The following IQCK variants were observed in gnomAD, a reference collection of about 807,000 sequenced individuals.
IQCK encodes IQ domain-containing protein K.
In IQCK, 29 loss-of-function variants were observed where a neutral mutation model predicts 28.1. The observed-to-expected ratio is 1.03, with a 90% CI of 0.77 to 1.41. The LOEUF is 1.41. Among genes scored for constraint, IQCK ranks in the 40% most tolerant of loss-of-function variants. The probability of loss-of-function intolerance (pLI) is 0.00; values close to 1 mark genes in which losing one functional copy is unlikely to be tolerated. For synonymous variants in IQCK, 113 were observed against 115.1 expected (o/e 0.98, Z 0.12); for missense variants, 359 against 314.7 (o/e 1.14, Z -1.07).
At chr16:19,739,582 A>G (rs923780670) in intron 4 of IQCK, among the ~76,000 whole-genome samples, 1 of 152,208 alleles carries the variant, frequency 6.6e-6, no homozygotes, top group African/African-American at 2.4e-5. Context: ...TGGGAGGCTG[A>G]GGCGTGTGGA....
At chr16:19,738,261 A>C (rs1347948388) in intron 4 of IQCK, among the ~76,000 whole-genome samples, 2 of 152,198 alleles carry the variant, frequency 1.3e-5, no homozygotes, top group Non-Finnish European at 2.9e-5. Context: ...TCTTTGACCA[A>C]AACCCAGCTT....
At chr16:19,779,950 C>CT (rs949439400) in intron 6 of IQCK, among the ~76,000 whole-genome samples, 28 of 151,512 alleles carry the variant, frequency 1.8e-4, no homozygotes, top group Non-Finnish European at 3.1e-4. Context: ...ATATCCTGAC[C>CT]TCGTGATCCA....
At chr16:19,753,213 C>G (rs760064621) in intron 4 of IQCK, among the ~76,000 whole-genome samples, 3 of 150,660 alleles carry the variant, frequency 2.0e-5, no homozygotes, top group Non-Finnish European at 4.4e-5. Context: ...CCCAGGAGAC[C>G]AGCCTGGGCA....
chr16:19,804,992 T>A (rs1188886979), intron 7 of IQCK, among the ~76,000 whole-genome samples: 3 of 152,154 alleles, frequency 2.0e-5, no homozygotes, highest in African/African-American at 7.2e-5. Flanking sequence ...TTCCCCAGCT[T>A]CCTCTTCCTC....
chr16:19,828,670 A>T (rs1247319787), downstream of IQCK, among the ~76,000 whole-genome samples: 2 of 150,472 alleles, frequency 1.3e-5, no homozygotes, highest in Non-Finnish European at 3.0e-5. Flanking sequence ...TGAAGTCAGA[A>T]GTTCAAGACC....
exon 10 of IQCK, chr16:19,857,745 T>TA (rs397937342): frequency 0.17 from 17,044 of 98,500 alleles, 1,609 homozygotes; most frequent in Non-Finnish European, 0.25. Flanking sequence ...GCATCTGGGC[T>TA]AAAAAAAAAA....
At chr16:19,817,177 G>A (rs1220278478) in intron 7 of IQCK, among the ~76,000 whole-genome samples, 2 of 152,080 alleles carry the variant, frequency 1.3e-5, no homozygotes, top group Non-Finnish European at 2.9e-5. Context: ...GGAGCAAATA[G>A]AGACTCCACA....
chr16:19,835,399 A>G (rs553931748), intron 9 of IQCK, among the ~76,000 whole-genome samples: 3 of 152,290 alleles, frequency 2.0e-5, no homozygotes, highest in South Asian at 4.1e-4. Flanking sequence ...CATCTGCTTC[A>G]TGCCAGCACA....
intron 6 of IQCK, among the ~76,000 whole-genome samples, chr16:19,770,941 C>T (rs2055311784): frequency 6.6e-6 from 1 of 152,140 alleles, no homozygotes; most frequent in South Asian, 2.1e-4. Context: ...TCTCTTTTGC[C>T]TCCATCTTCC....
rs372317479 is a variant in IQCK, at chr16:19,835,587, C to CTT, written c.802+8464_802+8465dup. Among the ~76,000 whole-genome samples, 250 of 138,936 alleles carry CTT rather than the reference C, an allele frequency of 1.8e-3. 2 individuals are homozygous for CTT. Among genetic ancestry groups the CTT allele is most frequent in the African/African-American group, 6.0e-3 (225 of 37,636 alleles). The allele number at this position is 138,936 out of a possible 152,430, so 91.1% of individuals were successfully genotyped here. On this transcript the variant is annotated intron_variant, in intron 9 of 9. Transcript: ENST00000320394. ...GAAGTATTTCTTTTTCTTTTCTTTTCTTTTTTTTTTTTTTTGAGACAGAGT... is the reference window on the plus strand; with the variant it reads ...GAAGTATTTCTTTTTCTTTTCTTTTCTTTTTTTTTTTTTTTTTGAGACAGAGT...
chr16:19,780,791 T>A (rs2055470587), intron 6 of IQCK, among the ~76,000 whole-genome samples: 3 of 152,232 alleles, frequency 2.0e-5, no homozygotes, highest in Non-Finnish European at 4.4e-5. Context: ...ACCTTTCAAA[T>A]TACAGTAGTT....
In IQCK at chr16:19,736,984, CA is replaced by C. The variant is rs55687544; in HGVS notation, c.474+1551del. Reference sequence around the variant, plus strand: ...GCAACAAAGTGAGACCCGGTATTTACAAAAAAAAAAAAAAAAAGAAAAAGAA... The same window carrying C: ...GCAACAAAGTGAGACCCGGTATTTACAAAAAAAAAAAAAAAAGAAAAAGAA... On this transcript the variant is annotated intron_variant, in intron 4 of 7. Transcript: ENST00000564186. 6.8e-3 allele frequency among the ~76,000 whole-genome samples: 454 copies of C among 67,050 alleles called. 1 individual carries two copies. Among genetic ancestry groups the C allele is most frequent in the African/African-American group, 0.01 (261 of 25,220 alleles). The allele number at this position is 67,050 out of a possible 152,430, so 44.0% of individuals were successfully genotyped here. A position where few individuals can be genotyped will look rare whatever the true frequency, so the allele number is the denominator to read the frequency against.
chr16:19,743,731 C>T (rs1365374537), intron 4 of IQCK, among the ~76,000 whole-genome samples: 1 of 152,222 alleles, frequency 6.6e-6, no homozygotes, highest in African/African-American at 2.4e-5. Context: ...CTGCTCCACT[C>T]TGATGGTCAG....
At chr16:19,843,236 T>C (rs2056380948) in intron 9 of IQCK, among the ~76,000 whole-genome samples, 1 of 152,204 alleles carries the variant, frequency 6.6e-6, no homozygotes, top group African/African-American at 2.4e-5. Flanking sequence ...ATTCAAAGTG[T>C]ACAACTCAAT....
intron 7 of IQCK, among the ~76,000 whole-genome samples, chr16:19,803,403 G>A (rs2055787013): frequency 6.6e-6 from 1 of 152,004 alleles, no homozygotes; most frequent in African/African-American, 2.4e-5. Flanking sequence ...TCAGCCTCCC[G>A]AGGTGCTGGA....
chr16:19,856,528 A>T lies in IQCK; in HGVS notation c.844A>T (p.Met282Leu), dbSNP rs1440263742. Residue 282 changes from methionine to leucine, a missense_variant, in exon 10 of 10, where the codon ATG (methionine) becomes TTG (leucine). By Grantham distance (15) the Met-to-Leu change is conservative (BLOSUM62 2). Coordinates refer to the IQCK transcript ENST00000320394. The stretch of plus-strand genomic sequence containing the variant: ...GGACGATGCAGTACCTGCAGCCAAG[A>T]TGAAAATTCCATCATCTTAACCATA... 2 of 1,613,900 alleles carry T rather than the reference A, an allele frequency of 1.2e-6. No individual in the cohort carries two copies. The highest frequency in any genetic ancestry group is 2.7e-5 in the African/African-American group (2 of 74,948).
chr16:19,772,488 A>C (rs2055332914), intron 6 of IQCK, among the ~76,000 whole-genome samples: 1 of 152,168 alleles, frequency 6.6e-6, no homozygotes, highest in Non-Finnish European at 1.5e-5. Context: ...GAGAATACTA[A>C]TTTCATAGTC....
chr16:19,775,248 A>C (rs971724888), intron 6 of IQCK, among the ~76,000 whole-genome samples: 1 of 151,462 alleles, frequency 6.6e-6, no homozygotes, highest in Non-Finnish European at 1.5e-5. Context: ...AAAAAAAAGA[A>C]GACTTTTTAA....
At chr16:19,803,057 CCT>C (rs1290883782) in intron 7 of IQCK, among the ~76,000 whole-genome samples, 6 of 152,132 alleles carry the variant, frequency 3.9e-5, no homozygotes, top group African/African-American at 7.2e-5. Context: ...GTCTTATTCC[CCT>C]GAGATTCTTG....
Sources: allele counts gnomAD v4.1 joint callset (sites outside exome capture counted in the v4.1 genomes callset), GRCh38; gene constraint gnomAD v4.1.1; transcripts MANE v1.5; gene names NCBI Gene and HGNC (gene_info 2026-07-23, HGNC 2026-07-21).